Variants in FRK observed in about 807,000 individuals in gnomAD.
The protein encoded by FRK is fyn related Src family tyrosine kinase.
A neutral mutation model predicts 56.4 loss-of-function variants in FRK; 51 were observed. The ratio of observed to expected loss-of-function variants is 0.90; its 90% CI spans 0.72 to 1.14. The LOEUF (loss-of-function observed/expected upper bound fraction) is 1.14, where lower values mean the gene tolerates loss of function less well. Among genes scored for constraint, FRK ranks in the 50% most tolerant of loss-of-function variants. The probability of loss-of-function intolerance (pLI) is 0.00; values close to 1 mark genes in which losing one functional copy is unlikely to be tolerated. For missense variants in FRK, 570 were observed against 601.4 expected (o/e 0.95, Z 0.55); for synonymous variants, 245 against 217.9 (o/e 1.12, Z -1.10).
At chr6:116,086,714 A>G in the FRK span, among the ~76,000 whole-genome samples, 2 of 152,242 alleles carry the variant, frequency 1.3e-5, no homozygotes, top group Non-Finnish European at 1.5e-5. Flanking sequence ...ATGGGTGCCT[A>G]TGGCCTCTGA....
chr6:116,083,436 G>A, the FRK span, among the ~76,000 whole-genome samples: 3 of 152,042 alleles, frequency 2.0e-5, no homozygotes, highest in African/African-American at 4.8e-5. Context: ...ATGATTTAGC[G>A]GAAATAAAAA....
chr6:116,026,148 G>T (rs1776081330), intron 1 of FRK, among the ~76,000 whole-genome samples: 1 of 152,048 alleles, frequency 6.6e-6, no homozygotes, highest in South Asian at 2.1e-4. Flanking sequence ...GAGAACAGGG[G>T]CCTTATCTTT....
chr6:116,026,066 T>G (rs578110084), intron 1 of FRK, among the ~76,000 whole-genome samples: 1 of 152,282 alleles, frequency 6.6e-6, no homozygotes, highest in South Asian at 2.1e-4. Flanking sequence ...TCAATTGGAT[T>G]CTACCAATAA....
At chr6:116,057,446 T>G (rs1396512287) in intron 1 of FRK, among the ~76,000 whole-genome samples, 3 of 152,190 alleles carry the variant, frequency 2.0e-5, no homozygotes, top group African/African-American at 7.2e-5. Context: ...TGGAGGGGAA[T>G]TCTAGAAGCT....
At chr6:116,003,825 A>T in intron 2 of FRK, 52 bp downstream of exon 2, 1 of 1,594,092 alleles carries the variant, frequency 6.3e-7, no homozygotes, top group South Asian at 1.1e-5. Flanking sequence ...CAGAAAGCTC[A>T]TGACTGCAGA....
rs542370487 is a variant in FRK at position 115,933,177 on chromosome 6, T to C, written c.*9237A>G. ...ATTGAATTTTCTTTATTGCAAATTC[T>C]TAGGGTTTCTGTCAAAAGAGATTTG... On this transcript the variant is annotated 3_prime_UTR_variant, in exon 8 of 8. Transcript: ENST00000606080. 1.8e-4 allele frequency: 28 copies of C among 152,314 alleles called. No individual in the cohort carries two copies. The highest frequency in any genetic ancestry group is 6.7e-4 in the African/African-American group (28 of 41,566). The allele number at this position is 152,314 out of a possible 1,614,324, so 9.4% of individuals were successfully genotyped here.
rs972529574 is a variant in FRK at position 115,939,563 on chromosome 6, G to A, written c.*2851C>T. The A allele has an allele frequency of 2.6e-5, 4 of 152,092 alleles. No homozygotes were observed. In the East Asian group the frequency reaches 7.7e-4, roughly 29 times the overall value. 9.4% of individuals were successfully genotyped at this position (152,092 alleles called of 1,614,324 possible). A position where few individuals can be genotyped will look rare whatever the true frequency, so the allele number is the denominator to read the frequency against. On this transcript the variant is annotated 3_prime_UTR_variant, in exon 8 of 8. Coordinates refer to ENST00000606080, the MANE Select transcript of FRK (RefSeq NM_002031.3). Reference sequence around the variant, plus strand: ...AATTGTCTCTGTTTGCAGATGATATGAATTGTATATATAGGGAACCCCACC... The same window carrying A: ...AATTGTCTCTGTTTGCAGATGATATAAATTGTATATATAGGGAACCCCACC...
chr6:116,085,289 T>C, the FRK span, among the ~76,000 whole-genome samples: 2 of 152,222 alleles, frequency 1.3e-5, no homozygotes, highest in East Asian at 1.9e-4. Context: ...ATTTTGTGTG[T>C]TGGAATAGAT....
chr6:116,064,084 G>A (rs891139559), upstream of FRK, among the ~76,000 whole-genome samples: 2 of 152,156 alleles, frequency 1.3e-5, no homozygotes, highest in Non-Finnish European at 2.9e-5. Flanking sequence ...GATACACAAG[G>A]CCCTGCTAAC....
chr6:116,064,553 T>C (rs554103380), upstream of FRK, among the ~76,000 whole-genome samples: 108 of 152,216 alleles, frequency 7.1e-4, no homozygotes, highest in African/African-American at 2.6e-3. Flanking sequence ...GAGTGAAAGT[T>C]CTATAGTGTG....
At chr6:116,044,080 G>C (rs1181199187) in intron 1 of FRK, among the ~76,000 whole-genome samples, 1 of 152,200 alleles carries the variant, frequency 6.6e-6, no homozygotes, top group African/African-American at 2.4e-5. Context: ...TTCCGAAATT[G>C]TGGCAGTAAT....
chr6:116,030,890 T>A (rs895342870), intron 1 of FRK, among the ~76,000 whole-genome samples: 1 of 152,128 alleles, frequency 6.6e-6, no homozygotes, highest in Non-Finnish European at 1.5e-5. Flanking sequence ...GTAGCTGGTA[T>A]CTGCAGTAGA....
At chr6:116,096,625 CACCAATCAGCACTCTGTAAAATGG>C in the FRK span, among the ~76,000 whole-genome samples, 14 of 152,138 alleles carry the variant, frequency 9.2e-5, no homozygotes, top group Non-Finnish European at 1.9e-4. Context: ...ATTGTAAATG[CACCAATCAGCACTCTGTAAAATGG>C]ACCAATCAGC....
chr6:116,065,984 G>T, the FRK span, among the ~76,000 whole-genome samples: 2 of 152,142 alleles, frequency 1.3e-5, no homozygotes, highest in Admixed American at 6.5e-5. Flanking sequence ...GGAAAATCTA[G>T]AATCTGTCCT....
At chr6:116,010,046 T>C (rs556417190) in intron 1 of FRK, among the ~76,000 whole-genome samples, 1 of 152,160 alleles carries the variant, frequency 6.6e-6, no homozygotes, top group Non-Finnish European at 1.5e-5. Context: ...GCTAACACGG[T>C]GAAACCCCAT....
chr6:115,998,030 C>T (rs906512119), intron 2 of FRK, among the ~76,000 whole-genome samples: 1 of 152,182 alleles, frequency 6.6e-6, no homozygotes, highest in Non-Finnish European at 1.5e-5. Flanking sequence ...ATCCCCAGTC[C>T]TTGGGCGACT....
intron 2 of FRK, among the ~76,000 whole-genome samples, chr6:115,972,136 C>T (rs1471127496): frequency 2.0e-5 from 3 of 152,200 alleles, no homozygotes; most frequent in Non-Finnish European, 4.4e-5. Context: ...TCTCCCACCA[C>T]ATTCTCCCTT....
At chr6:116,005,784 T>C (rs1775226330) in intron 1 of FRK, among the ~76,000 whole-genome samples, 1 of 152,114 alleles carries the variant, frequency 6.6e-6, no homozygotes. Flanking sequence ...GATACCTAAA[T>C]ATACAAATTA....
At chr6:116,005,514 A>C (rs1775215946) in intron 1 of FRK, among the ~76,000 whole-genome samples, 1 of 152,220 alleles carries the variant, frequency 6.6e-6, no homozygotes, top group Admixed American at 6.5e-5. Context: ...AAATGTAAAG[A>C]GAGTAGAAAC....
Sources: gnomAD v4.1 joint callset for allele counts (sites outside exome capture counted in the v4.1 genomes callset) on GRCh38, gnomAD v4.1.1 for gene constraint, MANE v1.5 for transcripts, NCBI Gene and HGNC (gene_info 2026-07-23, HGNC 2026-07-21) for gene names.